Variants in PTPN11 observed in about 807,000 individuals in gnomAD.
PTPN11 encodes protein tyrosine phosphatase non-receptor type 11.
In PTPN11, 6 loss-of-function variants were observed where a neutral mutation model predicts 78.8. The ratio of observed to expected loss-of-function variants is 0.08; its 90% CI spans 0.04 to 0.15. The LOEUF (loss-of-function observed/expected upper bound fraction) is 0.15. PTPN11 is among the 10% of genes least tolerant of loss of function. The pLI, the probability that PTPN11 is intolerant of heterozygous loss-of-function variation, is 1.00. For synonymous variants in PTPN11, 221 were observed against 263.5 expected (o/e 0.84, Z 1.56); for missense variants, 386 against 744.8 (o/e 0.52, Z 5.61).
chr12:112,468,141 C>T (rs2038358560), intron 6 of PTPN11, among the ~76,000 whole-genome samples: 1 of 152,130 alleles, frequency 6.6e-6, no homozygotes, highest in South Asian at 2.1e-4. Flanking sequence ...CCCTGCTTTA[C>T]ATTATCCTTT....
chr12:112,494,913 T>C (rs2038795373), intron 13 of PTPN11, among the ~76,000 whole-genome samples: 1 of 152,244 alleles, frequency 6.6e-6, no homozygotes, highest in Admixed American at 6.5e-5. Context: ...TGAGATGATA[T>C]TGCCCACGTG....
At chr12:112,440,965 C>CTTTTTT (rs376303682) in intron 1 of PTPN11, among the ~76,000 whole-genome samples, 2 of 131,554 alleles carry the variant, frequency 1.5e-5, no homozygotes, top group African/African-American at 2.7e-5. Context: ...CTTTTCTTTT[C>CTTTTTT]TTTTTTTTTT....
intron 13 of PTPN11, among the ~76,000 whole-genome samples, chr12:112,492,763 C>T (rs955680450): frequency 3.3e-5 from 5 of 152,062 alleles, no homozygotes; most frequent in Admixed American, 1.3e-4. Flanking sequence ...GTGATCTGCC[C>T]GCCTTGGCCT....
chr12:112,504,226 C>G lies in PTPN11; in HGVS notation c.1713-469C>G, dbSNP rs1008545665. On this transcript the variant is annotated intron_variant, in intron 14 of 15. Transcript: ENST00000351677. This position sits in a 1 kb window ranked among gnomAD's most constrained non-coding sequence, Gnocchi z 4.7. ...CTGTTGTTTTTTTGAGATGGAGTCT[C>G]GCTCTGTCGCCCAGGCTGGAGTGCA... Among the ~76,000 whole-genome samples, 5 of 152,180 alleles carry G rather than the reference C, an allele frequency of 3.3e-5. No homozygotes were observed. The highest frequency in any genetic ancestry group is 2.0e-4 in the Admixed American group (3 of 15,260).
intron 6 of PTPN11, 37 bp from the exon 7 acceptor site, chr12:112,472,905 CTT>C: frequency 6.7e-7 from 1 of 1,482,412 alleles, no homozygotes; most frequent in Non-Finnish European, 9.4e-7. Context: ...TTCTGTGACT[CTT>C]TGACACGTAA....
At chr12:112,443,218 G>C (rs917752506) in intron 1 of PTPN11, among the ~76,000 whole-genome samples, 2 of 151,898 alleles carry the variant, frequency 1.3e-5, no homozygotes, top group Non-Finnish European at 2.9e-5. Flanking sequence ...AACAAAAACT[G>C]TTCCCTTTTA....
chr12:112,457,151 G>T (rs1566170932), intron 6 of PTPN11: 2 of 305,618 alleles, frequency 6.5e-6, no homozygotes, highest in Non-Finnish European at 1.3e-5. Context: ...GCTCACTCCT[G>T]TAATCTCAGC....
intron 13 of PTPN11, among the ~76,000 whole-genome samples, chr12:112,493,498 C>T (rs1189495539): frequency 6.6e-6 from 1 of 151,258 alleles, no homozygotes; most frequent in African/African-American, 2.4e-5. Flanking sequence ...AGGTGCTTCT[C>T]CCACCTCAGC....
At chr12:112,429,811 AAAC>A (rs1456851200) in intron 1 of PTPN11, among the ~76,000 whole-genome samples, 5 of 151,294 alleles carry the variant, frequency 3.3e-5, no homozygotes, top group Admixed American at 6.6e-5. Context: ...TCAAAAAAAA[AAAC>A]AACAACAAAA....
chr12:112,493,329 G>A (rs949379519), intron 13 of PTPN11, among the ~76,000 whole-genome samples: 19 of 151,686 alleles, frequency 1.3e-4, no homozygotes, highest in Non-Finnish European at 1.9e-4. Flanking sequence ...AAAGTGGTGG[G>A]ATTACAGGCG....
chr12:112,423,017 T>G (rs1228754223), intron 1 of PTPN11, among the ~76,000 whole-genome samples: 2 of 152,198 alleles, frequency 1.3e-5, no homozygotes, highest in East Asian at 3.8e-4. Flanking sequence ...CAAAAAGTGA[T>G]GTTGGCAAGG....
In PTPN11 at chr12:112,486,931, G is replaced by A. The variant is rs991261069; in HGVS notation, c.1379+302G>A. 1.0e-5 allele frequency: 14 copies of A among 1,353,500 alleles called. No individual in the cohort carries two copies. In the African/African-American group the frequency reaches 2.0e-4, roughly 20 times the overall value. 83.8% of individuals were successfully genotyped at this position (1,353,500 alleles called of 1,614,324 possible). On this transcript the variant is annotated intron_variant, in intron 11 of 15. Transcript: ENST00000351677. ...TAAACAACTTCATCCTGGCTCTGCAGTTTCTCCTTATTCTTCATGATGTTT... is the reference window on the plus strand; with the variant it reads ...TAAACAACTTCATCCTGGCTCTGCAATTTCTCCTTATTCTTCATGATGTTT...
intron 1 of PTPN11, among the ~76,000 whole-genome samples, chr12:112,431,938 A>C (rs897638455): frequency 6.6e-6 from 1 of 152,116 alleles, no homozygotes; most frequent in South Asian, 2.1e-4. Context: ...AAAAGGGGGG[A>C]AAAAAACCAG....
chr12:112,447,908 T>A (rs909243357), intron 2 of PTPN11, among the ~76,000 whole-genome samples: 1 of 151,436 alleles, frequency 6.6e-6, no homozygotes, highest in African/African-American at 2.4e-5. Context: ...TTCAAGCAGT[T>A]CTCCTGCCTC....
At chr12:112,480,924 T>G (rs1236041250) in intron 9 of PTPN11, among the ~76,000 whole-genome samples, 1 of 152,182 alleles carries the variant, frequency 6.6e-6, no homozygotes, top group Non-Finnish European at 1.5e-5. Flanking sequence ...CATCACCAAA[T>G]AGATACAAAC....
chr12:112,494,694 ACT>A (rs2038792210), intron 13 of PTPN11, among the ~76,000 whole-genome samples: 2 of 152,166 alleles, frequency 1.3e-5, no homozygotes, highest in Non-Finnish European at 2.9e-5. Flanking sequence ...ACTTGTTTGT[ACT>A]GGTACAGTGT....
At chr12:112,460,826 G>C (rs534467042) in intron 6 of PTPN11, among the ~76,000 whole-genome samples, 1 of 152,296 alleles carries the variant, frequency 6.6e-6, no homozygotes, top group Admixed American at 6.5e-5. Flanking sequence ...TAGAGACAGA[G>C]TGCGGCTTCA....
rs148394156 is a variant in PTPN11, at chr12:112,498,351, G to A, written c.1600-3793G>A. Among the ~76,000 whole-genome samples, 57 of 152,236 alleles carry A rather than the reference G, an allele frequency of 3.7e-4. No homozygotes were observed. In the East Asian group the frequency reaches 0.011, roughly 29 times the overall value. On this transcript the variant is annotated intron_variant, in intron 13 of 15. Coordinates refer to ENST00000351677, the MANE Select transcript of PTPN11 (RefSeq NM_002834.5). ...CGAAGTAAAACCAGCAAAATTTCAT[G>A]ATTGGATAGTGGAAGGAATCATGGT...
At chr12:112,425,000 G>C (rs924892381) in intron 1 of PTPN11, among the ~76,000 whole-genome samples, 3 of 146,144 alleles carry the variant, frequency 2.1e-5, no homozygotes, top group Non-Finnish European at 4.5e-5. Context: ...GTGTGTGTGT[G>C]TGTGTGTGTA....
Sources: gnomAD v4.1 joint callset for allele counts (sites outside exome capture counted in the v4.1 genomes callset) on GRCh38, gnomAD v4.1.1 for gene constraint, Gnocchi (gnomAD v3.1) non-coding constraint, MANE v1.5 for transcripts, NCBI Gene and HGNC (gene_info 2026-07-23, HGNC 2026-07-21) for gene names.